RERG: variants seen among roughly 807,000 people sequenced by gnomAD.
RERG encodes RAS like estrogen regulated growth inhibitor.
In RERG, 25 loss-of-function variants were observed where a neutral mutation model predicts 23.2. That is an observed-to-expected ratio of 1.08 (90% CI 0.79 to 1.50). The LOEUF is 1.50. Among genes scored for constraint, RERG ranks in the 40% most tolerant of loss-of-function variants. The pLI, the probability that RERG is intolerant of heterozygous loss-of-function variation, is 0.00. For missense variants in RERG, 253 were observed against 250.1 expected (o/e 1.01, Z -0.08); for synonymous variants, 81 against 89.1 (o/e 0.91, Z 0.51).
chr12:15,124,132 A>G (rs185044119), intron 2 of RERG, among the ~76,000 whole-genome samples: 311 of 152,270 alleles, frequency 2.0e-3, no homozygotes, highest in Non-Finnish European at 3.8e-3. Context: ...CCAATAAAAT[A>G]TTTTTAAAAG....
chr12:15,160,359 G>A (rs1864586372), intron 2 of RERG, among the ~76,000 whole-genome samples: 1 of 152,166 alleles, frequency 6.6e-6, no homozygotes, highest in Non-Finnish European at 1.5e-5. Context: ...ATTGCAGCAG[G>A]TGCAAAGCAT....
chr12:15,145,905 T>C (rs546275154), intron 2 of RERG, among the ~76,000 whole-genome samples: 2 of 152,342 alleles, frequency 1.3e-5, no homozygotes, highest in South Asian at 4.1e-4. Context: ...AAAGTACAGT[T>C]ACAGTTGCTT....
intron 4 of RERG, chr12:15,111,101 C>T (rs1863604920): frequency 2.9e-6 from 1 of 342,082 alleles, no homozygotes; most frequent in East Asian, 5.0e-5. Context: ...GAGAGTCTAA[C>T]CTAGATGATA....
intron 2 of RERG, among the ~76,000 whole-genome samples, chr12:15,166,639 A>T (rs1230576165): frequency 6.6e-6 from 1 of 151,870 alleles, no homozygotes; most frequent in Non-Finnish European, 1.5e-5. Context: ...TGTGAAATTC[A>T]CATCAGCATA....
chr12:15,123,281 A>G (rs1277668422), intron 2 of RERG, among the ~76,000 whole-genome samples: 1 of 152,004 alleles, frequency 6.6e-6, no homozygotes, highest in Non-Finnish European at 1.5e-5. Flanking sequence ...AGCTTTCAAA[A>G]CCAAGTATAC....
At chr12:15,200,073 G>A (rs745843913) in intron 2 of RERG, among the ~76,000 whole-genome samples, 35 of 152,008 alleles carry the variant, frequency 2.3e-4, no homozygotes, top group Non-Finnish European at 4.7e-4. Flanking sequence ...AAGGCATTTG[G>A]TAGACTATAA....
intron 3 of RERG, among the ~76,000 whole-genome samples, chr12:15,117,142 C>CT (rs3084646): frequency 6.4e-4 from 88 of 136,806 alleles, no homozygotes; most frequent in African/African-American, 1.0e-3. Context: ...ACTGATTTAG[C>CT]TTTTTTTTTT....
intron 2 of RERG, among the ~76,000 whole-genome samples, chr12:15,143,691 A>C (rs1864280205): frequency 6.6e-6 from 1 of 152,194 alleles, no homozygotes; most frequent in Non-Finnish European, 1.5e-5. Context: ...CTTAGATTTT[A>C]GTACAGGCAA....
intron 2 of RERG, among the ~76,000 whole-genome samples, chr12:15,127,440 G>T (rs566645709): frequency 5.8e-4 from 88 of 152,110 alleles, no homozygotes; most frequent in Non-Finnish European, 1.0e-3. Flanking sequence ...AAAATATATT[G>T]ACTACTTCTC....
chr12:15,192,852 C>T (rs1366467760), intron 2 of RERG, among the ~76,000 whole-genome samples: 2 of 152,112 alleles, frequency 1.3e-5, no homozygotes, highest in Non-Finnish European at 2.9e-5. Flanking sequence ...TGATGTTAAC[C>T]CATAATGAGG....
chr12:15,212,042 C>CTTTTTTTT lies in RERG; in HGVS notation c.61+5379_61+5386dup, dbSNP rs772353150. Among the ~76,000 whole-genome samples the CTTTTTTTT allele has an allele frequency of 1.0e-3, 67 of 64,716 alleles. 3 individuals carry two copies. The highest frequency in any genetic ancestry group is 1.5e-3 in the Non-Finnish European group (50 of 32,778). 42.5% of individuals were successfully genotyped at this position (64,716 alleles called of 152,430 possible). A position where few individuals can be genotyped will look rare whatever the true frequency, so the allele number is the denominator to read the frequency against. ...ATGTGATATTAGAGCCACGAATAAA[C>CTTTTTTTT]TTTTTTTTTTTTTTTTTTTTTTTTT... On this transcript the variant is annotated intron_variant, in intron 2 of 4. Coordinates refer to ENST00000256953, the MANE Select transcript of RERG (RefSeq NM_032918.3).
chr12:15,149,137 G>A (rs1019136323), intron 2 of RERG, among the ~76,000 whole-genome samples: 2 of 151,724 alleles, frequency 1.3e-5, no homozygotes, highest in South Asian at 4.2e-4. Context: ...CCAAAGTGCT[G>A]GGATTACAGG....
chr12:15,150,217 CACAGTGTAAACTG>C (rs1331768480), intron 2 of RERG, among the ~76,000 whole-genome samples: 1 of 152,176 alleles, frequency 6.6e-6, no homozygotes, highest in East Asian at 1.9e-4. Flanking sequence ...GGAATATTTA[CACAGTGTAAACTG>C]TGTAATATGC....
intron 2 of RERG, among the ~76,000 whole-genome samples, chr12:15,190,163 T>A (rs1865049448): frequency 6.6e-6 from 1 of 152,136 alleles, no homozygotes; most frequent in African/African-American, 2.4e-5. Flanking sequence ...GTAAGGGACA[T>A]AAGAAAGCAT....
intron 1 of RERG, among the ~76,000 whole-genome samples, chr12:15,219,679 TG>T (rs1373360014): frequency 6.6e-6 from 1 of 152,236 alleles, no homozygotes; most frequent in Admixed American, 6.5e-5. Flanking sequence ...GAAGAGGTGC[TG>T]GCAAGTATTT....
In RERG at chr12:15,121,119, G is replaced by A. The variant is rs1431431442; in HGVS notation, c.62C>T (p.Ala21Val). 6.2e-7 allele frequency: 1 copy of A among 1,612,086 alleles called. No individual in the cohort carries two copies. The highest frequency in any genetic ancestry group is 1.3e-5 in the African/African-American group (1 of 74,884). The change falls in exon 3 of 5, where the codon GCT becomes GTT. Residue 21 changes from alanine to valine, a missense_variant and splice_region_variant. Transcript: ENST00000256953. ...TTTGGTCAGAAATCTCACTACAAGA[G>A]CTGTGGAAGAAAAGAGCAACATTTC... ...IFGRAGVGKS[A>V]LVVRFLTKRF...
rs1433077460 is a variant in RERG, at chr12:15,171,050, A to G, written c.61+46379T>C. ...TTATTGTGTTTATCACTGTAGTAACATGAATGAAAATTTTCAGGTCTCTGT... is the reference window on the plus strand; with the variant it reads ...TTATTGTGTTTATCACTGTAGTAACGTGAATGAAAATTTTCAGGTCTCTGT... On this transcript the variant is annotated intron_variant, in intron 2 of 4. Coordinates refer to ENST00000256953, the MANE Select transcript of RERG (RefSeq NM_032918.3). 5.9e-5 allele frequency among the ~76,000 whole-genome samples: 9 copies of G among 152,232 alleles called. No homozygotes were observed. The East Asian group carries it at 1.5e-3, about 26-fold the overall frequency.
At chr12:15,121,208 C>G in intron 2 of RERG, 89 bp from the exon 3 acceptor site, 1 of 905,738 alleles carries the variant, frequency 1.1e-6, no homozygotes, top group African/African-American at 1.7e-5. Context: ...ATGCTCCACA[C>G]AACCCTATAA....
At chr12:15,149,027 C>A (rs1410349988) in intron 2 of RERG, among the ~76,000 whole-genome samples, 1 of 151,616 alleles carries the variant, frequency 6.6e-6, no homozygotes, top group Admixed American at 6.6e-5. Context: ...CGCCACCACG[C>A]CCGGCTAATT....
Sources: allele counts gnomAD v4.1 joint callset (sites outside exome capture counted in the v4.1 genomes callset), GRCh38; gene constraint gnomAD v4.1.1; transcripts MANE v1.5; gene names NCBI Gene and HGNC (gene_info 2026-07-23, HGNC 2026-07-21).